CCDC73: variants seen among roughly 807,000 people sequenced by gnomAD.
CCDC73 encodes coiled-coil domain containing 73, also known as coiled-coil domain-containing protein 73.
CCDC73 carries 95 observed loss-of-function variants against 116.5 expected under a neutral mutation model. The ratio of observed to expected loss-of-function variants is 0.82; its 90% confidence interval spans 0.69 to 0.97. The LOEUF is 0.97. CCDC73 is among the 50% of genes least tolerant of loss of function. CCDC73 has a pLI of 0.00. For missense variants in CCDC73, 1,066 were observed against 1,206.8 expected, an observed-to-expected ratio of 0.88 and a Z score of 1.73; for synonymous variants, 398 against 401.3, an observed-to-expected ratio of 0.99 and a Z score of 0.10.
intron 6 of CCDC73, among the ~76,000 whole-genome samples, chr11:32,696,871 T>C (rs1856315975): frequency 6.6e-6 from 1 of 151,972 alleles, no homozygotes; most frequent in African/African-American, 2.4e-5. Flanking sequence ...TTTTTTTTTT[T>C]TTTGAAACAG....
intron 3 of CCDC73, among the ~76,000 whole-genome samples, chr11:32,710,144 G>GT (rs1260143852): frequency 2.0e-5 from 3 of 152,012 alleles, no homozygotes; most frequent in African/African-American, 7.2e-5. Context: ...CAAAGAATCA[G>GT]TTTTTTGTTT....
rs532869964 is a variant in CCDC73, at chr11:32,653,183, T to C, written c.879A>G (p.Gln293=). ...CCATTTCAGTATTAGCTTGAATTTG[T>C]TGCCGAAGTAACTGCTGCATATGTT... ...SFQHMQQLLR[Q]QIQANTEMEA... Residue 293 remains glutamine (Q), a synonymous_variant, in exon 12 of 18, where the codon CAA becomes CAG. Transcript: ENST00000335185. The C allele has an allele frequency of 5.0e-6, 8 of 1,612,442 alleles. No homozygotes were observed. In the South Asian group the frequency reaches 7.7e-5, roughly 16 times the overall value.
chr11:32,776,934 A>ATAT (rs1554970176), intron 1 of CCDC73, among the ~76,000 whole-genome samples: 11 of 30,186 alleles, frequency 3.6e-4, no homozygotes, highest in African/African-American at 5.3e-4. Flanking sequence ...TTAAAAAAAA[A>ATAT]AAATATATAT....
At chr11:32,829,348 G>A in the CCDC73 span, among the ~76,000 whole-genome samples, 2 of 152,140 alleles carry the variant, frequency 1.3e-5, no homozygotes, top group African/African-American at 2.4e-5. Flanking sequence ...GAGAATGAAA[G>A]TGAAAATGGC....
intron 12 of CCDC73, among the ~76,000 whole-genome samples, chr11:32,644,155 AT>A (rs1855756575): frequency 6.6e-6 from 1 of 152,224 alleles, no homozygotes; most frequent in Non-Finnish European, 1.5e-5. Context: ...CTACACAGCC[AT>A]AAAAAGAGTG....
intron 14 of CCDC73, among the ~76,000 whole-genome samples, chr11:32,616,874 T>C (rs1855479234): frequency 6.6e-6 from 1 of 152,154 alleles, no homozygotes; most frequent in African/African-American, 2.4e-5. Context: ...TATGGATAAA[T>C]GCAGGTTACT....
intron 9 of CCDC73, among the ~76,000 whole-genome samples, chr11:32,661,283 C>T (rs1281347799): frequency 6.6e-6 from 1 of 152,092 alleles, no homozygotes; most frequent in Admixed American, 6.5e-5. Context: ...TTCATCTCTT[C>T]ATCAATTGGA....
chr11:32,603,333 G>C (rs1855302029), intron 17 of CCDC73: 1 of 234,332 alleles, frequency 4.3e-6, no homozygotes, highest in African/African-American at 2.4e-5. Context: ...TTGGAAGTTG[G>C]CATGTTTTCA....
At position 32,676,499 on chromosome 11, in the gene CCDC73, A is replaced by G. The variant is rs145748155; in HGVS notation, c.430-478T>C. Among the ~76,000 whole-genome samples, 386 of 152,318 alleles carry G rather than the reference A, an allele frequency of 2.5e-3. 1 individual carries two copies. Among genetic ancestry groups the G allele is most frequent in the South Asian group, 8.3e-3 (40 of 4,820 alleles). The stretch of plus-strand genomic sequence containing the variant: ...CCAAAATTCAAGTAATTTTTCTGAG[A>G]CTGATTTTAATTAATATAGTACCTT... On this transcript the variant is annotated intron_variant, in intron 7 of 17. Transcript: ENST00000335185.
intron 9 of CCDC73, among the ~76,000 whole-genome samples, chr11:32,669,982 C>A (rs1472873807): frequency 6.6e-6 from 1 of 152,154 alleles, no homozygotes; most frequent in African/African-American, 2.4e-5. Flanking sequence ...GTATACCCAG[C>A]AGTGGGGTTG....
intron 1 of CCDC73, among the ~76,000 whole-genome samples, chr11:32,792,520 G>T (rs1850685350): frequency 6.6e-6 from 1 of 152,150 alleles, no homozygotes; most frequent in Non-Finnish European, 1.5e-5. Context: ...TTTGGCCACA[G>T]AAACCTTTTT....
intron 12 of CCDC73, among the ~76,000 whole-genome samples, chr11:32,646,036 T>G (rs1439729671): frequency 6.6e-6 from 1 of 152,204 alleles, no homozygotes; most frequent in Admixed American, 6.5e-5. Flanking sequence ...AATAAAACTT[T>G]AGAGAAGATA....
chr11:32,796,972 A>G (rs11031993), upstream of CCDC73, among the ~76,000 whole-genome samples: 25,305 of 136,230 alleles, frequency 0.19, 2,338 homozygotes, highest in South Asian at 0.28. Context: ...AGATCACACC[A>G]CTCCACTCCA....
intron 1 of CCDC73, among the ~76,000 whole-genome samples, chr11:32,783,961 A>G (rs1850604944): frequency 6.6e-6 from 1 of 152,176 alleles, no homozygotes; most frequent in Admixed American, 6.6e-5. Context: ...ATAGATTATC[A>G]ACTGTTTTTA....
At chr11:32,812,822 G>A in the CCDC73 span, among the ~76,000 whole-genome samples, 2 of 152,150 alleles carry the variant, frequency 1.3e-5, no homozygotes, top group African/African-American at 4.8e-5. Context: ...GGGCAACAGA[G>A]AGACAGCCTG....
chr11:32,778,811 A>C (rs1850558511), intron 1 of CCDC73, among the ~76,000 whole-genome samples: 1 of 152,218 alleles, frequency 6.6e-6, no homozygotes, highest in Admixed American at 6.5e-5. Flanking sequence ...AAAGAAAAAA[A>C]AAATCAGAGA....
chr11:32,661,140 A>T (rs1426662505), intron 9 of CCDC73, among the ~76,000 whole-genome samples: 1 of 152,184 alleles, frequency 6.6e-6, no homozygotes, highest in Admixed American at 6.5e-5. Context: ...AAGCAGCAGA[A>T]TATCAAATAC....
rs531020742 is a variant in CCDC73 at position 32,605,489 on chromosome 11, A to G, written c.3031-2469T>C. The stretch of plus-strand genomic sequence containing the variant: ...CTGGAAAGAATAACTAGTAATGGAT[A>G]AAAACCTACATAAATATTTCCTATT... On this transcript the variant is annotated intron_variant, in intron 17 of 17. Transcript: ENST00000335185. The G allele has an allele frequency of 2.0e-5, 3 of 152,348 alleles. 1 individual carries two copies. In the East Asian group the frequency reaches 5.8e-4, roughly 29 times the overall value. 9.4% of individuals were successfully genotyped at this position (152,348 alleles called of 1,614,324 possible).
At chr11:32,790,074 T>G (rs567555655) in intron 1 of CCDC73, among the ~76,000 whole-genome samples, 12 of 152,022 alleles carry the variant, frequency 7.9e-5, no homozygotes, top group Non-Finnish European at 1.8e-4. Flanking sequence ...CTAAAAGTAG[T>G]GTAGGGAGAT....
Sources: gnomAD v4.1 joint callset for allele counts (sites outside exome capture counted in the v4.1 genomes callset) on GRCh38, gnomAD v4.1.1 for gene constraint, MANE v1.5 for transcripts, NCBI Gene and HGNC (gene_info 2026-07-23, HGNC 2026-07-21) for gene names.